The following COL5A3 variants were observed in gnomAD, a reference collection of about 807,000 sequenced individuals.
COL5A3 encodes the protein collagen alpha-3(V) chain.
A neutral mutation model predicts 250.0 loss-of-function variants in COL5A3; 172 were observed. The observed-to-expected ratio is 0.69, with a 90% CI of 0.61 to 0.78. The LOEUF is 0.78. Among genes scored for constraint, COL5A3 ranks in the 30% least tolerant of loss-of-function variants. The pLI, the probability that COL5A3 is intolerant of heterozygous loss-of-function variation, is 0.00. For synonymous variants in COL5A3, 937 were observed against 900.4 expected (o/e 1.04, Z -0.73); for missense variants, 2,340 against 2,334.4 (o/e 1.00, Z -0.05).
At position 9,968,530 on chromosome 19, in the gene COL5A3, G is replaced by T. The variant is rs79625961; in HGVS notation, c.4207-38C>A. 0.095 allele frequency: 149,899 copies of T among 1,576,078 alleles called. 8,042 individuals are homozygous for T. Among genetic ancestry groups the T allele is most frequent in the Non-Finnish European group, 0.11 (128,027 of 1,162,210 alleles). ...AGAGGCACAGACAGGGGAGGACGTG[G>T]GAGGATTCAGGGAGGTTTTTCTCCT... On this transcript the variant is annotated intron_variant, in intron 58 of 66. Transcript: ENST00000264828. This position sits in a 1 kb window ranked among gnomAD's most constrained non-coding sequence, Gnocchi z 4.1.
intron 4 of COL5A3, 107 bp from the exon 5 acceptor site, chr19:10,004,252 A>G (rs2087407694): frequency 1.4e-6 from 1 of 739,968 alleles, no homozygotes; most frequent in Non-Finnish European, 2.4e-6. Context: ...ACCAGGGTGC[A>G]ATGCTCCCCC....
Position 10,006,175 on chromosome 19 carries a change from CG to C in COL5A3, c.144del (p.Glu49ArgfsTer45). 1 of 1,608,798 alleles carries C rather than the reference CG, an allele frequency of 6.2e-7. No individual in the cohort carries two copies. Among genetic ancestry groups the C allele is most frequent in the Admixed American group, 1.7e-5 (1 of 58,922 alleles). ...LGVQGGQAGV[P>X]EGPGFCPQRT... ...CTCTGGGGACAGAAGCCAGGCCCCT[CG>C]GGGACCCCAGCCTGGCCTCCCTGCA... On this transcript the variant is annotated frameshift_variant, in exon 2 of 67. Transcript: ENST00000264828. LOFTEE classifies it high-confidence loss of function.
intron 65 of COL5A3, among the ~76,000 whole-genome samples, chr19:9,961,635 T>C (rs2086673803): frequency 6.6e-6 from 1 of 150,864 alleles, no homozygotes; most frequent in South Asian, 2.1e-4. Flanking sequence ...CTCAGCTCAC[T>C]GCAAGCTCCG....
chr19:9,988,270 A>G (rs2087127820), intron 27 of COL5A3, among the ~76,000 whole-genome samples: 1 of 152,164 alleles, frequency 6.6e-6, no homozygotes, highest in African/African-American at 2.4e-5. Context: ...AAATGTAATT[A>G]TGCTTGGCTA....
At chr19:9,991,549 T>C (rs903828820) in intron 24 of COL5A3, 61 bp downstream of exon 24, 6 of 1,433,224 alleles carry the variant, frequency 4.2e-6, no homozygotes, top group African/African-American at 1.4e-5. Flanking sequence ...AAGATTTTCC[T>C]GGCAACAGAG....
At chr19:10,001,053 T>C (rs2087352920) in intron 8 of COL5A3, among the ~76,000 whole-genome samples, 1 of 152,078 alleles carries the variant, frequency 6.6e-6, no homozygotes, top group African/African-American at 2.4e-5. Flanking sequence ...GACACAAGCT[T>C]ACCTATGTAA....
rs1256104350 is a variant in COL5A3, at chr19:9,990,406, A to AAAAAAG, written c.1993-885_1993-884insCTTTTT. Among the ~76,000 whole-genome samples the AAAAAAG allele has an allele frequency of 1.5e-4, 23 of 151,724 alleles. 1 individual carries two copies. Among genetic ancestry groups the AAAAAAG allele is most frequent in the African/African-American group, 5.3e-4 (22 of 41,354 alleles). ...TGAAATTCTGTCAAAAAAAAAAAAA[A>AAAAAAG]AACTAAAATAGTATAACTGGATTGT... is the stretch of plus-strand genomic sequence containing the variant. On this transcript the variant is annotated intron_variant, in intron 24 of 66. Coordinates refer to ENST00000264828, the MANE Select transcript of COL5A3 (RefSeq NM_015719.4).
Position 9,999,366 on chromosome 19 carries a change from AT to A in COL5A3, c.1111-1218del, listed in dbSNP as rs34152960. On this transcript the variant is annotated intron_variant, in intron 8 of 66. Transcript: ENST00000264828. The stretch of plus-strand genomic sequence containing the variant: ...ACAGCACCATGCCCAGCTATTTTTT[AT>A]TTTATTTTTTTGTAGAGACAGGGTC... 3.7e-5 allele frequency among the ~76,000 whole-genome samples: 5 copies of A among 133,868 alleles called. No homozygotes were observed. The East Asian group carries it at 8.6e-4, about 23-fold the overall frequency. The allele number at this position is 133,868 out of a possible 152,430, so 87.8% of individuals were successfully genotyped here. A position where few individuals can be genotyped will look rare whatever the true frequency, so the allele number is the denominator to read the frequency against.
At chr19:9,984,350 T>C (rs991476287) in intron 31 of COL5A3, among the ~76,000 whole-genome samples, 1 of 152,120 alleles carries the variant, frequency 6.6e-6, no homozygotes, top group Non-Finnish European at 1.5e-5. Context: ...CCTGCTCTAC[T>C]CTAGAGAAAC....
At chr19:9,970,049 AATGAGGTCTGGGTGAGTGGGGGCT>A (rs2086807748) in intron 54 of COL5A3, 127 bp from the exon 55 acceptor site, 1 of 215,044 alleles carries the variant, frequency 4.7e-6, no homozygotes. Context: ...CTGTGGGGTG[AATGAGGTCTGGGTGAGTGGGGGCT>A]GTGGGTGAGT....
chr19:9,978,862 C>T (rs765291095), intron 40 of COL5A3, 29 bp downstream of exon 40: 22 of 1,369,236 alleles, frequency 1.6e-5, no homozygotes, highest in Non-Finnish European at 2.0e-5. Flanking sequence ...CTCTAAGGGA[C>T]ATGCAGGAGG....
chr19:9,996,271 A>G lies in COL5A3; in HGVS notation c.1423-9T>C, dbSNP rs1231908565. Reference sequence around the variant, plus strand: ...GGGCCTTTCATAGAGAGCTGGAAAGACAGAGGAGTCAGAGCTTGGGGCCTC... The same window carrying G: ...GGGCCTTTCATAGAGAGCTGGAAAGGCAGAGGAGTCAGAGCTTGGGGCCTC... On this transcript the variant is annotated splice_polypyrimidine_tract_variant and intron_variant, in intron 13 of 66. Transcript: ENST00000264828. 6.4e-7 allele frequency: 1 copy of G among 1,563,122 alleles called. No individual in the cohort carries two copies. The highest frequency in any genetic ancestry group is 1.4e-5 in the African/African-American group (1 of 72,788).
chr19:9,989,129 C>T lies in COL5A3; in HGVS notation c.2140G>A (p.Val714Met), dbSNP rs1337160542. 1.2e-6 allele frequency: 2 copies of T among 1,614,090 alleles called. No individual in the cohort carries two copies. The highest frequency in any genetic ancestry group is 1.3e-5 in the African/African-American group (1 of 74,938). The change falls in exon 27 of 67, where the codon GTG becomes ATG. Residue 714 changes from valine (V) to methionine (M), a missense_variant. Around this residue, in one of 3 missense-constraint regions of COL5A3, gnomAD observed 1,152 missense variants for 1,146.3 expected, o/e 1.00. Coordinates refer to ENST00000264828, the MANE Select transcript of COL5A3 (RefSeq NM_015719.4). ...GPPGYPGPRG[V>M]KGTSGNRGLQ... ...CCTGCAAGCGTATCACCTACCTTCACTCCCCGAGGTCCAGGATAGCCCGGA... is the reference window on the plus strand; with the variant it reads ...CCTGCAAGCGTATCACCTACCTTCATTCCCCGAGGTCCAGGATAGCCCGGA...
chr19:9,996,952 C>G, intron 11 of COL5A3: 5 of 539,354 alleles, frequency 9.3e-6, no homozygotes. Context: ...CATACAGAGA[C>G]AGAAACAGAG....
At chr19:10,004,169 C>T in intron 4 of COL5A3, 24 bp from the exon 5 acceptor site, 1 of 1,561,424 alleles carries the variant, frequency 6.4e-7, no homozygotes, top group Non-Finnish European at 8.8e-7. Context: ...GTGTAGGAGT[C>T]AAGGAGGGCA....
intron 44 of COL5A3, among the ~76,000 whole-genome samples, chr19:9,976,895 A>T (rs897003463): frequency 4.6e-5 from 7 of 151,898 alleles, no homozygotes; most frequent in African/African-American, 1.5e-4. Flanking sequence ...GGTGGGGGGA[A>T]GTTGGGTATC....
chr19:9,992,144 C>A, intron 21 of COL5A3, 96 bp from the exon 22 acceptor site: 2 of 1,063,840 alleles, frequency 1.9e-6, no homozygotes, highest in South Asian at 2.7e-5. Context: ...TGAGCAGGGC[C>A]GGGCACTGTG....
At chr19:9,966,818 G>T in intron 62 of COL5A3, 72 bp from the exon 63 acceptor site, 2 of 1,231,344 alleles carry the variant, frequency 1.6e-6, no homozygotes, top group South Asian at 1.4e-5. Flanking sequence ...AAGAGAGACA[G>T]GCAGAGATGA....
rs1260716481 is a variant in COL5A3, at chr19:9,970,644, G to T, written c.3914C>A (p.Ala1305Asp). 1 of 1,455,496 alleles carries T rather than the reference G, an allele frequency of 6.9e-7. No homozygotes were observed. Among genetic ancestry groups the T allele is most frequent in the Admixed American group, 2.8e-5 (1 of 36,320 alleles). The allele number at this position is 1,455,496 out of a possible 1,614,324, so 90.2% of individuals were successfully genotyped here. Residue 1305 changes from alanine to aspartate, a missense_variant, in exon 54 of 67, where the codon GCC (alanine) becomes GAC (aspartate). By Grantham distance (126) the Ala-to-Asp change is moderately radical. Coordinates refer to ENST00000264828, the MANE Select transcript of COL5A3 (RefSeq NM_015719.4). ...TACCCTCTTGCCGGGGGGCCCGGGG[G>T]CGCCGGGCTCCCCAGAAGCTCCAGG... ...GPPGASGEPG[A>D]PGPPGKRGPS...
Sources: allele counts gnomAD v4.1 joint callset (sites outside exome capture counted in the v4.1 genomes callset), GRCh38; gene constraint gnomAD v4.1.1; regional missense constraint gnomAD v4.1.1; non-coding constraint Gnocchi (gnomAD v3.1); transcripts MANE v1.5; gene names NCBI Gene and HGNC (gene_info 2026-07-23, HGNC 2026-07-21).